The following ZZZ3 variants were observed in gnomAD, a reference collection of about 807,000 sequenced individuals.
ZZZ3 encodes the protein zinc finger ZZ-type containing 3, also known as ZZ-type zinc finger-containing protein 3.
In ZZZ3, 22 loss-of-function variants were observed where a neutral mutation model predicts 95.2. The ratio of observed to expected loss-of-function variants is 0.23; its 90% CI spans 0.17 to 0.33. ZZZ3 has a LOEUF of 0.33. Among genes scored for constraint, ZZZ3 ranks in the 10% least tolerant of loss-of-function variants. The probability of loss-of-function intolerance (pLI) is 1.00; values close to 1 mark genes in which losing one functional copy is unlikely to be tolerated. For synonymous variants in ZZZ3, 335 were observed against 358.9 expected (o/e 0.93, Z 0.75); for missense variants, 885 against 1,066.5 (o/e 0.83, Z 2.37).
At chr1:77,641,180 A>G (rs17100850) in intron 3 of ZZZ3, 11,046 of 170,472 alleles carry the variant, frequency 0.065, 753 homozygotes, top group East Asian at 0.22. Context: ...TGATGGTAGT[A>G]GCAATCATCA....
At chr1:77,591,276 T>C (rs1663666986) in intron 5 of ZZZ3, among the ~76,000 whole-genome samples, 2 of 152,238 alleles carry the variant, frequency 1.3e-5, no homozygotes, top group Admixed American at 6.5e-5. Context: ...GCAAATTCAG[T>C]AACTCACAAA....
In ZZZ3 at chr1:77,562,642, C is replaced by G. The variant is rs889908675; in HGVS notation, c.*2998G>C. 1.3e-5 allele frequency: 2 copies of G among 152,110 alleles called. No individual in the cohort carries two copies. The highest frequency in any genetic ancestry group is 4.8e-5 in the African/African-American group (2 of 41,384). The allele number at this position is 152,110 out of a possible 1,614,324, so 9.4% of individuals were successfully genotyped here. On this transcript the variant is annotated 3_prime_UTR_variant, in exon 15 of 15. Transcript: ENST00000370801. ...ATACTATTAGGTTAAGTGAGAAGCA[C>G]CCAACATGCATAGAAGAAAATCCTA...
intron 5 of ZZZ3, among the ~76,000 whole-genome samples, chr1:77,612,889 A>G (rs1414768419): frequency 6.6e-6 from 1 of 152,070 alleles, no homozygotes; most frequent in Non-Finnish European, 1.5e-5. Context: ...CATGAAAACT[A>G]AAGTTAATAA....
intron 5 of ZZZ3, among the ~76,000 whole-genome samples, chr1:77,624,174 T>C (rs888465325): frequency 1.1e-4 from 17 of 152,188 alleles, no homozygotes; most frequent in Non-Finnish European, 2.5e-4. Flanking sequence ...GAAAAATCTT[T>C]GTTCCTAATA....
chr1:77,622,610 G>A (rs936575984), intron 5 of ZZZ3, among the ~76,000 whole-genome samples: 3 of 151,988 alleles, frequency 2.0e-5, no homozygotes, highest in Non-Finnish European at 2.9e-5. Context: ...TAACAAATAC[G>A]TAATTTCTTA....
intron 5 of ZZZ3, among the ~76,000 whole-genome samples, chr1:77,594,063 T>C (rs980199827): frequency 5.9e-5 from 9 of 152,172 alleles, no homozygotes; most frequent in African/African-American, 1.9e-4. Context: ...TATACACAAA[T>C]ACAGCATTAA....
chr1:77,663,480 T>G (rs1670993937), intron 1 of ZZZ3, among the ~76,000 whole-genome samples: 1 of 152,166 alleles, frequency 6.6e-6, no homozygotes, highest in Non-Finnish European at 1.5e-5. Flanking sequence ...ATAAGCACTC[T>G]CAATTCCTTC....
intron 5 of ZZZ3, among the ~76,000 whole-genome samples, chr1:77,614,615 A>G (rs1233029440): frequency 6.6e-6 from 1 of 152,196 alleles, no homozygotes; most frequent in Non-Finnish European, 1.5e-5. Flanking sequence ...ATAAAGTTCC[A>G]ATAATCCTAA....
intron 5 of ZZZ3, among the ~76,000 whole-genome samples, chr1:77,605,322 CAGCCCT>C (rs888239771): frequency 3.9e-5 from 6 of 152,208 alleles, no homozygotes; most frequent in African/African-American, 1.4e-4. Context: ...CCGCTCACAC[CAGCCCT>C]AGCCAGAGGG....
At chr1:77,629,944 G>A (rs970440393) in intron 5 of ZZZ3, among the ~76,000 whole-genome samples, 1 of 152,192 alleles carries the variant, frequency 6.6e-6, no homozygotes, top group African/African-American at 2.4e-5. Context: ...ACTGTTTTAT[G>A]TGAACATCAT....
intron 5 of ZZZ3, among the ~76,000 whole-genome samples, chr1:77,586,310 C>A (rs1252573109): frequency 1.3e-5 from 2 of 152,208 alleles, no homozygotes; most frequent in African/African-American, 4.8e-5. Context: ...GCCTCTATCC[C>A]TGTTTTAAGC....
At chr1:77,683,145 C>G (rs1222088229), upstream of ZZZ3, 1 of 136,458 alleles carries the variant, frequency 7.3e-6, no homozygotes, top group South Asian at 2.7e-4. Context: ...CACCCCCTCC[C>G]GGTACTTGGC....
At chr1:77,603,868 T>C (rs2100689906) in intron 5 of ZZZ3, among the ~76,000 whole-genome samples, 1 of 152,212 alleles carries the variant, frequency 6.6e-6, no homozygotes, top group Admixed American at 6.5e-5. Flanking sequence ...AAAATTAAAC[T>C]AAAATATCAA....
intron 1 of ZZZ3, among the ~76,000 whole-genome samples, chr1:77,670,000 T>G (rs1339501578): frequency 6.6e-6 from 1 of 151,682 alleles, no homozygotes. Context: ...AAGCACTGAA[T>G]TGTGCACTTA....
At chr1:77,622,370 CAAA>C (rs200681261) in intron 5 of ZZZ3, among the ~76,000 whole-genome samples, 2 of 55,424 alleles carry the variant, frequency 3.6e-5, no homozygotes, top group African/African-American at 1.4e-4. Context: ...TGAAAAATAG[CAAA>C]AAAAAAAAAA....
upstream of ZZZ3, among the ~76,000 whole-genome samples, chr1:77,682,923 G>C (rs1041482967): frequency 1.3e-5 from 2 of 152,200 alleles, no homozygotes; most frequent in South Asian, 4.1e-4. Context: ...ACAGAGCGCA[G>C]TGCGCTGCCC....
chr1:77,564,210 CA>C lies in ZZZ3; in HGVS notation c.*1429del, dbSNP rs915354263. The C allele has an allele frequency of 1.4e-4, 21 of 152,252 alleles. No individual in the cohort carries two copies. Among genetic ancestry groups the C allele is most frequent in the African/African-American group, 4.8e-4 (20 of 41,576 alleles). The allele number at this position is 152,252 out of a possible 1,614,324, so 9.4% of individuals were successfully genotyped here. A position where few individuals can be genotyped will look rare whatever the true frequency, so the allele number is the denominator to read the frequency against. On this transcript the variant is annotated 3_prime_UTR_variant, in exon 15 of 15. Transcript: ENST00000370801. ...AAAAAATTTTCAACTTTAGTTTTCA[CA>C]CCTGAGCATTAATAATTGCCTTTTT...
At chr1:77,606,097 G>T (rs750890888) in intron 5 of ZZZ3, among the ~76,000 whole-genome samples, 3 of 152,212 alleles carry the variant, frequency 2.0e-5, no homozygotes, top group Non-Finnish European at 4.4e-5. Context: ...CCCTGAGCCA[G>T]AAGGGGGTCC....
Position 77,623,967 on chromosome 1 carries a change from CATTT to C in ZZZ3, c.1505+7879_1505+7882del, listed in dbSNP as rs1166700429. The stretch of plus-strand genomic sequence containing the variant: ...AAGTAGATCACAACACAGATCTTCC[CATTT>C]ATTACTATACATTACAATATCTGAT... On this transcript the variant is annotated intron_variant, in intron 5 of 14. Transcript: ENST00000370801. 3.3e-5 allele frequency among the ~76,000 whole-genome samples: 5 copies of C among 152,214 alleles called. No individual in the cohort carries two copies. The East Asian group carries it at 9.6e-4, about 29-fold the overall frequency.
Sources: gnomAD v4.1 joint callset for allele counts (sites outside exome capture counted in the v4.1 genomes callset) on GRCh38, gnomAD v4.1.1 for gene constraint, MANE v1.5 for transcripts, NCBI Gene and HGNC (gene_info 2026-07-23, HGNC 2026-07-21) for gene names.